Variants in ZCCHC7 observed in about 807,000 individuals in gnomAD.
ZCCHC7 encodes the protein zinc finger CCHC-type containing 7.
ZCCHC7 carries 35 observed loss-of-function variants against 52.0 expected under a neutral mutation model. That is an observed-to-expected ratio of 0.67 (90% CI 0.51 to 0.89). The LOEUF is 0.89. Ranked by LOEUF, ZCCHC7 falls within the 40% of genes least tolerant of loss-of-function variation. ZCCHC7 has a pLI of 0.00. For synonymous variants in ZCCHC7, 217 were observed against 221.5 expected, an observed-to-expected ratio of 0.98 and a Z score of 0.18; for missense variants, 574 against 649.1, an observed-to-expected ratio of 0.88 and a Z score of 1.26.
At chr9:37,254,033 T>C (rs1826456847) in intron 2 of ZCCHC7, among the ~76,000 whole-genome samples, 1 of 152,026 alleles carries the variant, frequency 6.6e-6, no homozygotes, top group African/African-American at 2.4e-5. Flanking sequence ...TAGTAATATA[T>C]GAGTGTTACC....
chr9:37,357,105 A>G lies in ZCCHC7; in HGVS notation c.1469A>G (p.Lys490Arg). 6.2e-7 allele frequency: 1 copy of G among 1,613,824 alleles called. No individual in the cohort carries two copies. The highest frequency in any genetic ancestry group is 1.3e-5 in the African/African-American group (1 of 74,944). The part of the protein sequence containing the change: ...YSSPGSFKTQ[K>R]PSKPFHRSSH... The stretch of plus-strand genomic sequence containing the variant: ...TCTCCTGGCAGTTTTAAAACCCAGA[A>G]GCCTTCTAAGCCCTTTCACCGTTCA... Residue 490 changes from lysine to arginine, a missense_variant, in exon 9 of 9, where the codon AAG becomes AGG. Physicochemically the swap from Lys to Arg is conservative, Grantham distance 26. Transcript: ENST00000336755.
chr9:37,291,983 G>A (rs948114388), intron 2 of ZCCHC7, among the ~76,000 whole-genome samples: 6 of 152,168 alleles, frequency 3.9e-5, no homozygotes, highest in African/African-American at 1.4e-4. Flanking sequence ...GTGAGCCACT[G>A]CGCCTGGCCA....
intron 5 of ZCCHC7, among the ~76,000 whole-genome samples, chr9:37,316,104 C>T (rs1214091714): frequency 3.3e-5 from 5 of 151,356 alleles, no homozygotes; most frequent in Non-Finnish European, 5.9e-5. Context: ...AGTGCAGTGG[C>T]GCTGGAGTGC....
chr9:37,298,373 A>G (rs1828881671), intron 2 of ZCCHC7, among the ~76,000 whole-genome samples: 1 of 152,208 alleles, frequency 6.6e-6, no homozygotes, highest in East Asian at 1.9e-4. Flanking sequence ...CATATATTCA[A>G]ACTATATCAA....
chr9:37,217,329 C>T (rs932961071), intron 2 of ZCCHC7, among the ~76,000 whole-genome samples: 3 of 152,136 alleles, frequency 2.0e-5, no homozygotes, highest in Non-Finnish European at 4.4e-5. Flanking sequence ...AGCACTGTGT[C>T]TATAAGCCTA....
At chr9:37,166,351 C>T (rs189375216) in intron 2 of ZCCHC7, among the ~76,000 whole-genome samples, 20 of 151,988 alleles carry the variant, frequency 1.3e-4, no homozygotes, top group African/African-American at 3.6e-4. Context: ...GAGCCGAGAT[C>T]GCGCCACTGC....
chr9:37,348,142 A>C (rs549529028), intron 6 of ZCCHC7, among the ~76,000 whole-genome samples: 1 of 152,288 alleles, frequency 6.6e-6, no homozygotes, highest in Non-Finnish European at 1.5e-5. Context: ...CTGTCTCTAC[A>C]TAGAAACTGC....
intron 2 of ZCCHC7, among the ~76,000 whole-genome samples, chr9:37,228,801 G>A (rs762665138): frequency 1.3e-5 from 2 of 149,444 alleles, no homozygotes; most frequent in African/African-American, 4.9e-5. Flanking sequence ...ACCCAATCAC[G>A]ATAGTTCAAT....
intron 2 of ZCCHC7, among the ~76,000 whole-genome samples, chr9:37,292,598 A>G (rs992077660): frequency 1.3e-5 from 2 of 152,140 alleles, no homozygotes; most frequent in Non-Finnish European, 1.5e-5. Flanking sequence ...TAGAAATTAG[A>G]TAGATAAATC....
At chr9:37,215,974 T>C (rs1824480577) in intron 2 of ZCCHC7, among the ~76,000 whole-genome samples, 1 of 152,184 alleles carries the variant, frequency 6.6e-6, no homozygotes, top group Non-Finnish European at 1.5e-5. Flanking sequence ...GGAATTTATG[T>C]AGGAATTGTT....
chr9:37,234,825 T>A (rs1377784561), intron 2 of ZCCHC7, among the ~76,000 whole-genome samples: 1 of 152,254 alleles, frequency 6.6e-6, no homozygotes, highest in Non-Finnish European at 1.5e-5. Context: ...TATAACTTTA[T>A]GAAAATATTT....
chr9:37,320,332 C>T (rs1830000834), intron 5 of ZCCHC7, among the ~76,000 whole-genome samples: 1 of 152,206 alleles, frequency 6.6e-6, no homozygotes, highest in African/African-American at 2.4e-5. Flanking sequence ...CCAACCTTGG[C>T]CTCCCAAAGT....
At chr9:37,158,430 A>C (rs919556908) in intron 2 of ZCCHC7, among the ~76,000 whole-genome samples, 1 of 152,222 alleles carries the variant, frequency 6.6e-6, no homozygotes, top group Non-Finnish European at 1.5e-5. Flanking sequence ...AAAGTCAAAA[A>C]TGGATTTTGA....
At chr9:37,185,618 G>A (rs945975292) in intron 2 of ZCCHC7, among the ~76,000 whole-genome samples, 5 of 152,162 alleles carry the variant, frequency 3.3e-5, no homozygotes, top group African/African-American at 1.2e-4. Context: ...CTGGTGTCTG[G>A]TGTGGCTGGT....
At chr9:37,171,951 A>G (rs1821753094) in intron 2 of ZCCHC7, among the ~76,000 whole-genome samples, 1 of 152,076 alleles carries the variant, frequency 6.6e-6, no homozygotes, top group Admixed American at 6.5e-5. Flanking sequence ...GTAGCAGTTT[A>G]CTCTATTCAT....
At chr9:37,227,028 C>CA (rs895936555) in intron 2 of ZCCHC7, among the ~76,000 whole-genome samples, 37,309 of 92,066 alleles carry the variant, frequency 0.41, 6,687 homozygotes, top group African/African-American at 0.55. Context: ...GACTCCGTCT[C>CA]AAAAAAAAAA....
At chr9:37,304,709 C>T (rs2133710263) in intron 4 of ZCCHC7, among the ~76,000 whole-genome samples, 1 of 151,680 alleles carries the variant, frequency 6.6e-6, no homozygotes, top group South Asian at 2.1e-4. Context: ...GAATTCAAAT[C>T]TTTTTATAGT....
At chr9:37,270,159 T>C (rs1827334771) in intron 2 of ZCCHC7, among the ~76,000 whole-genome samples, 1 of 152,202 alleles carries the variant, frequency 6.6e-6, no homozygotes, top group African/African-American at 2.4e-5. Flanking sequence ...AAATATATTA[T>C]TAAAATTAAT....
chr9:37,303,309 C>T (rs1403790752), intron 3 of ZCCHC7, among the ~76,000 whole-genome samples: 1 of 151,800 alleles, frequency 6.6e-6, no homozygotes, highest in African/African-American at 2.4e-5. Context: ...CCTGTAGTCC[C>T]AGCTACTCGG....
Sources: allele counts gnomAD v4.1 joint callset (sites outside exome capture counted in the v4.1 genomes callset), GRCh38; gene constraint gnomAD v4.1.1; transcripts MANE v1.5; gene names NCBI Gene and HGNC (gene_info 2026-07-23, HGNC 2026-07-21).